Variants in FBXO16 observed in about 807,000 individuals in gnomAD.
The protein encoded by FBXO16 is F-box only protein 16.
FBXO16 carries 31 observed loss-of-function variants against 41.0 expected under a neutral mutation model. That is an observed-to-expected ratio of 0.76 (90% CI 0.57 to 1.02). FBXO16 has a LOEUF of 1.02. FBXO16 is among the 50% of genes least tolerant of loss of function. FBXO16 has a pLI of 0.00. For missense variants in FBXO16, 361 were observed against 346.2 expected (o/e 1.04, Z -0.34); for synonymous variants, 133 against 117.8 (o/e 1.13, Z -0.84).
intron 7 of FBXO16, among the ~76,000 whole-genome samples, chr8:28,438,929 A>G (rs1346544086): frequency 6.6e-6 from 1 of 151,792 alleles, no homozygotes; most frequent in Non-Finnish European, 1.5e-5. Context: ...GTGAAACCCC[A>G]TCTCTACTAA....
chr8:28,476,663 A>C (rs116434873), intron 2 of FBXO16, among the ~76,000 whole-genome samples: 1,589 of 152,332 alleles, frequency 0.01, 26 homozygotes, highest in African/African-American at 0.036. Context: ...TTGTTATTTT[A>C]ATCTGTTGAC....
At chr8:28,446,244 C>T (rs948552480) in intron 7 of FBXO16, among the ~76,000 whole-genome samples, 1 of 121,984 alleles carries the variant, frequency 8.2e-6, no homozygotes, top group East Asian at 2.7e-4. Flanking sequence ...TGCAGTGGTG[C>T]GACCTTGGCT....
intron 1 of FBXO16, among the ~76,000 whole-genome samples, chr8:28,485,110 GGGGACCA>G (rs1432990330): frequency 6.6e-6 from 1 of 152,134 alleles, no homozygotes; most frequent in Non-Finnish European, 1.5e-5. Flanking sequence ...AGATGGCTAA[GGGGACCA>G]GGGCCTGCTC....
At chr8:28,429,326 G>T in intron 8 of FBXO16, 52 bp downstream of exon 8, 1 of 1,593,330 alleles carries the variant, frequency 6.3e-7, no homozygotes, top group Non-Finnish European at 8.6e-7. Flanking sequence ...ACATGCACAC[G>T]ATCTCTCTAA....
At chr8:28,481,927 C>A (rs1448337667) in intron 2 of FBXO16, among the ~76,000 whole-genome samples, 7 of 152,162 alleles carry the variant, frequency 4.6e-5, no homozygotes, top group Admixed American at 4.6e-4. Context: ...CCTTTGGGAG[C>A]AACAGCAGGC....
chr8:28,454,436 T>A (rs950807222), intron 5 of FBXO16, among the ~76,000 whole-genome samples: 1 of 151,192 alleles, frequency 6.6e-6, no homozygotes, highest in African/African-American at 2.4e-5. Context: ...ATGTAAAAAA[T>A]CATTAATTCT....
chr8:28,486,333 T>C (rs866229039), intron 1 of FBXO16, among the ~76,000 whole-genome samples: 3 of 151,496 alleles, frequency 2.0e-5, no homozygotes, highest in Middle Eastern at 3.4e-3. Context: ...CAAGTGATTC[T>C]CCTGCTTTAG....
chr8:28,448,340 C>CAAAAAAAA (rs56323338), intron 6 of FBXO16, among the ~76,000 whole-genome samples: 98 of 48,178 alleles, frequency 2.0e-3, no homozygotes, highest in East Asian at 3.1e-3. Context: ...GACCCTAAAT[C>CAAAAAAAA]AAAAAAAAAA....
chr8:28,446,146 T>C (rs1204109803), intron 7 of FBXO16, among the ~76,000 whole-genome samples: 5 of 151,870 alleles, frequency 3.3e-5, no homozygotes, highest in Non-Finnish European at 7.4e-5. Flanking sequence ...TTAATTCATT[T>C]TTTCCAAAGT....
chr8:28,473,176 A>AT (rs1803364721), intron 3 of FBXO16, among the ~76,000 whole-genome samples: 1 of 152,054 alleles, frequency 6.6e-6, no homozygotes, highest in South Asian at 2.1e-4. Flanking sequence ...TGCTTAACCA[A>AT]TCCTTTTCAT....
intron 3 of FBXO16, 45 bp downstream of exon 3, chr8:28,473,727 C>T (rs755579613): frequency 1.3e-6 from 2 of 1,519,374 alleles, no homozygotes; most frequent in Admixed American, 1.8e-5. Context: ...AAGATGAAAA[C>T]AGATAACATA....
rs1055741 is a variant in FBXO16, at chr8:28,428,657, T to G, written c.*70A>C. ...GAGAATTTCAGCTGTGGTGGCAGTG[T>G]CTGGGAGTCCCACTGACTCAGGGGG... On this transcript the variant is annotated 3_prime_UTR_variant, in exon 9 of 9. Transcript: ENST00000380254. The G allele has an allele frequency of 0.5, 777,584 of 1,561,164 alleles. 204,485 individuals carry two copies. The highest frequency in any genetic ancestry group is 0.87 in the African/African-American group (63,843 of 73,372).
At chr8:28,474,734 T>G (rs553583155) in intron 2 of FBXO16, among the ~76,000 whole-genome samples, 1 of 152,368 alleles carries the variant, frequency 6.6e-6, no homozygotes, top group East Asian at 1.9e-4. Flanking sequence ...ATATATTATT[T>G]AGGACAGAAA....
At chr8:28,480,402 G>A (rs1383809802) in intron 2 of FBXO16, among the ~76,000 whole-genome samples, 1 of 152,146 alleles carries the variant, frequency 6.6e-6, no homozygotes, top group African/African-American at 2.4e-5. Context: ...CCAGGCTAAG[G>A]ACACAAAGAT....
At chr8:28,441,751 ACT>A (rs375374061) in intron 7 of FBXO16, among the ~76,000 whole-genome samples, 3 of 139,488 alleles carry the variant, frequency 2.2e-5, no homozygotes, top group Non-Finnish European at 3.1e-5. Context: ...AAAAAAAAAA[ACT>A]AAAAAAAAAA....
chr8:28,430,559 G>A (rs920455188), intron 7 of FBXO16, among the ~76,000 whole-genome samples: 1 of 152,214 alleles, frequency 6.6e-6, no homozygotes, highest in Admixed American at 6.5e-5. Flanking sequence ...AGTTTTCGGT[G>A]TTGTTTAAGG....
At chr8:28,471,436 T>C (rs201391102) in intron 3 of FBXO16, among the ~76,000 whole-genome samples, 3 of 148,420 alleles carry the variant, frequency 2.0e-5, no homozygotes, top group African/African-American at 5.2e-5. Context: ...CCTTCCCTCC[T>C]TCCTTCCTCT....
At chr8:28,437,889 A>T (rs929148728) in intron 7 of FBXO16, among the ~76,000 whole-genome samples, 3 of 152,158 alleles carry the variant, frequency 2.0e-5, no homozygotes, top group Admixed American at 6.6e-5. Flanking sequence ...AAGAACAAGA[A>T]AAAACAAGAA....
Position 28,463,893 on chromosome 8 carries a change from A to G in FBXO16, c.136-75T>C. On this transcript the variant is annotated intron_variant, in intron 3 of 8. Coordinates refer to ENST00000380254, the MANE Select transcript of FBXO16 (RefSeq NM_172366.4). ...ATAGCAGATTCATTACGAGTAAGAC[A>G]TGACAATGGCATAGAAAGGGAGTTT... 4 of 1,341,484 alleles carry G rather than the reference A, an allele frequency of 3.0e-6. No homozygotes were observed. The South Asian group carries it at 3.7e-5, about 13-fold the overall frequency. 83.1% of individuals were successfully genotyped at this position (1,341,484 alleles called of 1,614,324 possible). A position where few individuals can be genotyped will look rare whatever the true frequency, so the allele number is the denominator to read the frequency against.
Sources: gnomAD v4.1 joint callset for allele counts (sites outside exome capture counted in the v4.1 genomes callset) on GRCh38, gnomAD v4.1.1 for gene constraint, MANE v1.5 for transcripts, NCBI Gene and HGNC (gene_info 2026-07-23, HGNC 2026-07-21) for gene names.